TMPRSS6: variants seen among roughly 807,000 people sequenced by gnomAD.
The protein encoded by TMPRSS6 is transmembrane serine protease 6.
Under a neutral mutation model 101.5 loss-of-function variants are expected in TMPRSS6, and 67 were observed. The observed-to-expected ratio is 0.66, with a 90% CI of 0.54 to 0.81. The LOEUF (loss-of-function observed/expected upper bound fraction) is 0.81. Among genes scored for constraint, TMPRSS6 ranks in the 30% least tolerant of loss-of-function variants. TMPRSS6 has a pLI of 0.00. For missense variants in TMPRSS6, 1,034 were observed against 1,088.7 expected, an observed-to-expected ratio of 0.95 and a Z score of 0.71; for synonymous variants, 453 against 464.9, an observed-to-expected ratio of 0.97 and a Z score of 0.33.
intron 6 of TMPRSS6, among the ~76,000 whole-genome samples, chr22:37,094,019 T>TTA (rs56784584): frequency 0.054 from 8,111 of 149,376 alleles, 671 homozygotes; most frequent in African/African-American, 0.18. Context: ...TGAGACTCTG[T>TTA]TATATATATA....
chr22:37,094,279 A>G (rs992682640), intron 6 of TMPRSS6, among the ~76,000 whole-genome samples: 2 of 151,972 alleles, frequency 1.3e-5, no homozygotes, highest in African/African-American at 4.8e-5. Context: ...AGAAAAGACA[A>G]CTCCAAAGGT....
At chr22:37,086,500 G>A (rs1256219492) in intron 7 of TMPRSS6, 81 bp from the exon 8 acceptor site, 3 of 1,426,358 alleles carry the variant, frequency 2.1e-6, no homozygotes, top group Non-Finnish European at 2.9e-6. Flanking sequence ...GCTGCTGGGG[G>A]AGGGTGGACG....
Position 37,099,664 on chromosome 22 carries a change from A to T in TMPRSS6, c.203-1115T>A, listed in dbSNP as rs145760965. Reference sequence around the variant, plus strand: ...AGCAAGGAATCAGACGGTAAACCACACATCGTGTATAACAGGTTAGAGGTG... The same window carrying T: ...AGCAAGGAATCAGACGGTAAACCACTCATCGTGTATAACAGGTTAGAGGTG... On this transcript the variant is annotated intron_variant, in intron 2 of 17. Transcript: ENST00000676104. Among the ~76,000 whole-genome samples the T allele has an allele frequency of 1.2e-4, 19 of 152,348 alleles. No homozygotes were observed. In the East Asian group the frequency reaches 3.7e-3, roughly 29 times the overall value.
At chr22:37,082,604 C>G (rs1347578960) in intron 10 of TMPRSS6, 3 of 212,534 alleles carry the variant, frequency 1.4e-5, no homozygotes, top group African/African-American at 7.1e-5. Context: ...GGGGTCAGGG[C>G]AGCCGTTCCC....
chr22:37,083,392 G>T (rs936822864), intron 10 of TMPRSS6, among the ~76,000 whole-genome samples: 4 of 152,008 alleles, frequency 2.6e-5, no homozygotes, highest in Non-Finnish European at 4.4e-5. Flanking sequence ...AATATTACCT[G>T]CACCTGAGCC....
Position 37,066,931 on chromosome 22 carries a change from A to G in TMPRSS6, c.2145T>C (p.Asp715=), listed in dbSNP as rs1274539278. ...GPISNALQKV[D]VQLIPQDLCS... Reference sequence around the variant, plus strand: ...ACAGGTCCTGTGGGATCAACTGCACATCCACTTTCTGCAGAGCGTTGCTGA... The same window carrying G: ...ACAGGTCCTGTGGGATCAACTGCACGTCCACTTTCTGCAGAGCGTTGCTGA... Residue 715 remains aspartate (D), a synonymous_variant, in exon 17 of 18, where the codon GAT becomes GAC. Transcript: ENST00000676104. 1 of 1,614,040 alleles carries G rather than the reference A, an allele frequency of 6.2e-7. No homozygotes were observed. The highest frequency in any genetic ancestry group is 8.5e-7 in the Non-Finnish European group (1 of 1,180,048).
At chr22:37,081,769 G>C (rs1307436046) in intron 10 of TMPRSS6, among the ~76,000 whole-genome samples, 1 of 152,188 alleles carries the variant, frequency 6.6e-6, no homozygotes, top group Non-Finnish European at 1.5e-5. Context: ...AGGGACAAGA[G>C]GCCAAGTCCT....
In TMPRSS6 at chr22:37,070,959, A is replaced by C. The variant is rs758993101; in HGVS notation, c.1629T>G (p.Asp543Glu). The C allele has an allele frequency of 1.5e-5, 25 of 1,613,252 alleles. No homozygotes were observed. The highest frequency in any genetic ancestry group is 2.0e-5 in the Non-Finnish European group (24 of 1,179,986). The change falls in exon 14 of 18, where the codon GAT becomes GAG. Residue 543 changes from aspartate to glutamate, a missense_variant. Physicochemically the swap from Asp to Glu is conservative, Grantham distance 45 (BLOSUM62 2). Transcript: ENST00000676104. ...SCVKKPNPQC[D>E]GRPDCRDGSD... is the part of the protein sequence containing the mutation. ...AGCCGTCCCTGCAGTCGGGCCGCCCATCACACTGCGGGTTGGGCTTCTTCA... is the reference window on the plus strand; with the variant it reads ...AGCCGTCCCTGCAGTCGGGCCGCCCCTCACACTGCGGGTTGGGCTTCTTCA...
Position 37,069,454 on chromosome 22 carries a change from C to G in TMPRSS6, c.1842-110G>C. 9.3e-7 allele frequency: 1 copy of G among 1,077,800 alleles called. No individual in the cohort carries two copies. The highest frequency in any genetic ancestry group is 1.3e-6 in the Non-Finnish European group (1 of 752,558). The allele number at this position is 1,077,800 out of a possible 1,614,324, so 66.8% of individuals were successfully genotyped here. A position where few individuals can be genotyped will look rare whatever the true frequency, so the allele number is the denominator to read the frequency against. ...CCAGATCCCCGCCCGGGACAGTGCC[C>G]TCCACACCCAGCCCTCCCTTCCCTC... On this transcript the variant is annotated intron_variant, in intron 15 of 17. Transcript: ENST00000676104. This position sits in a 1 kb window ranked among gnomAD's most constrained non-coding sequence, Gnocchi z 4.8.
At chr22:37,078,852 AGGAGAAGAAGGAGAAGAGGAAG>A (rs147653151) in intron 10 of TMPRSS6, among the ~76,000 whole-genome samples, 47,498 of 125,012 alleles carry the variant, frequency 0.38, 8,447 homozygotes, top group African/African-American at 0.5. Context: ...AAGGAAGAGA[AGGAGAAGAAGGAGAAGAGGAAG>A]GGAGAAGAAG....
In TMPRSS6 at chr22:37,075,125, C is replaced by T. The variant is rs1288386336; in HGVS notation, c.1342+10G>A. The T allele has an allele frequency of 1.2e-6, 2 of 1,613,734 alleles. No homozygotes were observed. The highest frequency in any genetic ancestry group is 3.3e-5 in the Admixed American group (2 of 60,036). ...CACTGCAGGGGGTTCCCCCGGCTGC[C>T]CATACTCACGGTCCGACTGGTTGTA... On this transcript the variant is annotated intron_variant, in intron 11 of 17. Transcript: ENST00000676104.
chr22:37,076,937 C>A (rs948575374), intron 10 of TMPRSS6, among the ~76,000 whole-genome samples: 4 of 152,256 alleles, frequency 2.6e-5, no homozygotes, highest in Non-Finnish European at 4.4e-5. Flanking sequence ...AAATCCAACA[C>A]CCTGCGGAGC....
intron 13 of TMPRSS6, 28 bp downstream of exon 13, chr22:37,073,503 CT>C: frequency 6.6e-7 from 1 of 1,525,696 alleles, no homozygotes; most frequent in Non-Finnish European, 9.1e-7. Context: ...TTTGGTGTCC[CT>C]CCAGACACTC....
chr22:37,103,199 C>A lies in TMPRSS6; in HGVS notation c.202+17G>T. 1 of 1,613,374 alleles carries A rather than the reference C, an allele frequency of 6.2e-7. No individual in the cohort carries two copies. Among genetic ancestry groups the A allele is most frequent in the Non-Finnish European group, 8.5e-7 (1 of 1,179,740 alleles). On this transcript the variant is annotated intron_variant, in intron 2 of 17. Coordinates refer to ENST00000676104, the MANE Select transcript of TMPRSS6 (RefSeq NM_001374504.1). The surrounding 1 kb of genome is among the most constrained non-coding windows in gnomAD (Gnocchi z 4.4). The stretch of plus-strand genomic sequence containing the variant: ...GTCCTCCCCAGGTGCCTCTCCCAGG[C>A]GGTCCCACAACGTTACCTAGGAAAT...
rs6000563 is a variant in TMPRSS6 at position 37,078,857 on chromosome 22, A to G, written c.1197-3577T>C. ...GGAGGAGGAGAAGGAAGAGAAGGAG[A>G]AGAAGGAGAAGAGGAAGGGAGAAGA... is the stretch of plus-strand genomic sequence containing the variant. On this transcript the variant is annotated intron_variant, in intron 10 of 17. Transcript: ENST00000676104. Among the ~76,000 whole-genome samples, 163 of 47,504 alleles carry G rather than the reference A, an allele frequency of 3.4e-3. 4 individuals are homozygous for G. The highest frequency in any genetic ancestry group is 0.025 in the African/African-American group (160 of 6,304). 31.2% of individuals were successfully genotyped at this position (47,504 alleles called of 152,430 possible). A position where few individuals can be genotyped will look rare whatever the true frequency, so the allele number is the denominator to read the frequency against.
chr22:37,067,481 AAAG>A (rs1290404548), intron 16 of TMPRSS6, among the ~76,000 whole-genome samples: 2 of 151,964 alleles, frequency 1.3e-5, no homozygotes, highest in Admixed American at 6.5e-5. Context: ...AAAACAAAAA[AAAG>A]AAAAAAGAAA....
At chr22:37,074,147 T>G (rs547921177) in intron 12 of TMPRSS6, among the ~76,000 whole-genome samples, 26 of 152,254 alleles carry the variant, frequency 1.7e-4, no homozygotes, top group Non-Finnish European at 2.8e-4. Flanking sequence ...CAAGGTCACT[T>G]GGCTGAGCCA....
At chr22:37,108,097 C>T (rs1025825392) in intron 1 of TMPRSS6, among the ~76,000 whole-genome samples, 1 of 152,186 alleles carries the variant, frequency 6.6e-6, no homozygotes, top group Non-Finnish European at 1.5e-5. Context: ...CCCGTCGCAC[C>T]CCAAGGACAC....
chr22:37,107,953 C>T (rs1454677066), intron 1 of TMPRSS6, among the ~76,000 whole-genome samples: 1 of 152,308 alleles, frequency 6.6e-6, no homozygotes, highest in Middle Eastern at 3.4e-3. Context: ...TGGTACTCAG[C>T]GGACACTCAG....
Sources: allele counts gnomAD v4.1 joint callset (sites outside exome capture counted in the v4.1 genomes callset), GRCh38; gene constraint gnomAD v4.1.1; non-coding constraint Gnocchi (gnomAD v3.1); transcripts MANE v1.5; gene names NCBI Gene and HGNC (gene_info 2026-07-23, HGNC 2026-07-21).